CEACAM4: variants seen among roughly 807,000 people sequenced by gnomAD.
The protein encoded by CEACAM4 is CEA cell adhesion molecule 4.
CEACAM4 carries 30 observed loss-of-function variants against 28.7 expected under a neutral mutation model. The ratio of observed to expected loss-of-function variants is 1.05; its 90% confidence interval spans 0.78 to 1.42. The LOEUF (loss-of-function observed/expected upper bound fraction) is 1.42, where lower values mean the gene tolerates loss of function less well. Among genes scored for constraint, CEACAM4 ranks in the 40% most tolerant of loss-of-function variants. The pLI is 0.00. For synonymous variants in CEACAM4, 143 were observed against 126.5 expected (o/e 1.13, Z -0.87); for missense variants, 330 against 308.2 (o/e 1.07, Z -0.53).
Position 41,625,809 on chromosome 19 carries a change from C to T in CEACAM4, c.216G>A (p.Thr72=), listed in dbSNP as rs201574854. Residue 72 remains threonine (T), a synonymous_variant, in exon 2 of 7, where the codon ACG becomes ACA. Coordinates refer to ENST00000221954, the MANE Select transcript of CEACAM4 (RefSeq NM_001817.4). The part of the protein sequence containing the change: ...IQAYYWHKGK[T]AEGSPLIAGY... ...CAGCAATGAGAGGGCTCCCTTCTGCCGTTTTCCCCTTGTGCCAATAATAGG... is the reference window on the plus strand; with the variant it reads ...CAGCAATGAGAGGGCTCCCTTCTGCTGTTTTCCCCTTGTGCCAATAATAGG... The T allele has an allele frequency of 8.4e-4, 1,353 of 1,613,946 alleles. 26 individuals are homozygous for T. The South Asian group carries it at 0.014, about 17-fold the overall frequency.
Position 41,625,684 on chromosome 19 carries a change from A to C in CEACAM4, c.341T>G (p.Leu114Arg). Residue 114 changes from leucine (L) to arginine (R), a missense_variant, in exon 2 of 7, where the codon CTG becomes CGG. Leu to Arg is a moderately radical substitution (Grantham distance 102, BLOSUM62 -2). Transcript: ENST00000221954. ...TAGGGTGTAGGATCCTGCGTCCTCC[A>C]GGGTGATGTTTTGGAACAGCAGGGA... ...NGSLLFQNIT[L>R]EDAGSYTLRT... The C allele has an allele frequency of 6.2e-7, 1 of 1,613,768 alleles. No homozygotes were observed. Among genetic ancestry groups the C allele is most frequent in the Non-Finnish European group, 8.5e-7 (1 of 1,179,800 alleles).
At chr19:41,619,452 C>T (rs2071116429) in intron 6 of CEACAM4, 57 bp from the exon 7 acceptor site, 20 of 1,601,716 alleles carry the variant, frequency 1.2e-5, no homozygotes, top group Non-Finnish European at 1.6e-5. Flanking sequence ...CAGTGTCTGG[C>T]ATCTCCCAGG....
intron 4 of CEACAM4, 69 bp downstream of exon 4, chr19:41,620,506 T>G (rs1223427651): frequency 2.2e-6 from 3 of 1,352,768 alleles, no homozygotes; most frequent in Non-Finnish European, 3.1e-6. Context: ...CCCCAGGGGG[T>G]GACTGGCAGG....
At chr19:41,626,090 GTGTGTGTGTGT>G in intron 1 of CEACAM4, 130 bp from the exon 2 acceptor site, 5 of 556,372 alleles carry the variant, frequency 9.0e-6, no homozygotes, top group African/African-American at 7.7e-5. Flanking sequence ...GTGTGTGTGT[GTGTGTGTGTGT>G]GTGTGTGTGT....
rs782265679 is a variant in CEACAM4 at position 41,620,008 on chromosome 19, G to T, written c.627+203C>A. On this transcript the variant is annotated intron_variant, in intron 5 of 6. Coordinates refer to ENST00000221954, the MANE Select transcript of CEACAM4 (RefSeq NM_001817.4). ...TCCAGGGTTCTCCTCAGGTGTAGAGGGTCCCGGGGAGGGGTCAGCACATGG... is the reference window on the plus strand; with the variant it reads ...TCCAGGGTTCTCCTCAGGTGTAGAGTGTCCCGGGGAGGGGTCAGCACATGG... Among the ~76,000 whole-genome samples the T allele has an allele frequency of 2.6e-5, 4 of 152,090 alleles. 1 individual carries two copies. Among genetic ancestry groups the T allele is most frequent in the African/African-American group, 9.7e-5 (4 of 41,388 alleles).
In CEACAM4 at chr19:41,620,255, A is replaced by T; in HGVS notation, c.596-13T>A. 6 of 1,472,308 alleles carry T rather than the reference A, an allele frequency of 4.1e-6. No individual in the cohort carries two copies. Among genetic ancestry groups the T allele is most frequent in the Non-Finnish European group, 5.4e-6 (6 of 1,115,742 alleles). 91.2% of individuals were successfully genotyped at this position (1,472,308 alleles called of 1,614,324 possible). Reference sequence around the variant, plus strand: ...GAGGGACCATGGCCTGGGGACAGAGACAGGAGTGAGCAGCAGGGTGGGAGG... The same window carrying T: ...GAGGGACCATGGCCTGGGGACAGAGTCAGGAGTGAGCAGCAGGGTGGGAGG... On this transcript the variant is annotated splice_polypyrimidine_tract_variant and intron_variant, in intron 4 of 6. Transcript: ENST00000221954.
At chr19:41,626,087 TGTGTGTGTGTG>T in intron 1 of CEACAM4, 127 bp from the exon 2 acceptor site, 1 of 368,180 alleles carries the variant, frequency 2.7e-6, no homozygotes, top group Non-Finnish European at 4.6e-6. Flanking sequence ...TGTGTGTGTG[TGTGTGTGTGTG>T]TGTGTGTGTG....
downstream of CEACAM4, among the ~76,000 whole-genome samples, chr19:41,618,503 G>A (rs1194834199): frequency 6.6e-6 from 1 of 152,188 alleles, no homozygotes; most frequent in Non-Finnish European, 1.5e-5. Context: ...CTAGTGGCCA[G>A]GTATAAGCAC....
At chr19:41,621,600 T>G (rs2019254) in intron 3 of CEACAM4, 51 bp downstream of exon 3, 102,638 of 1,025,294 alleles carry the variant, frequency 0.1, 8,030 homozygotes, top group East Asian at 0.38. Flanking sequence ...CCCTCCTCCC[T>G]GACTGGGGTC....
Position 41,620,565 on chromosome 19 carries a change from G to T in CEACAM4, c.595+10C>A, listed in dbSNP as rs782595336. On this transcript the variant is annotated intron_variant, in intron 4 of 6. Transcript: ENST00000221954. ...AGGGGCTCCCACACCTGGGCTGAAG[G>T]GACACTCACCAGGGGTGGAGGCTGG... The T allele has an allele frequency of 1.2e-6, 2 of 1,611,152 alleles. No homozygotes were observed. The highest frequency in any genetic ancestry group is 8.5e-7 in the Non-Finnish European group (1 of 1,178,280).
At position 41,626,894 on chromosome 19, in the gene CEACAM4, C is replaced by G. The variant is rs2071699963; in HGVS notation, c.64+6G>C. The G allele has an allele frequency of 1.9e-6, 3 of 1,611,442 alleles. No individual in the cohort carries two copies. Among genetic ancestry groups the G allele is most frequent in the Non-Finnish European group, 1.7e-6 (2 of 1,178,358 alleles). On this transcript the variant is annotated splice_donor_region_variant and intron_variant, in intron 1 of 6. Coordinates refer to ENST00000221954, the MANE Select transcript of CEACAM4 (RefSeq NM_001817.4). Reference sequence around the variant, plus strand: ...TCCCACCACTCCCAGAGAGTCCTCCCCTCACCTGTGATCAGGAGCCCCTGC... The same window carrying G: ...TCCCACCACTCCCAGAGAGTCCTCCGCTCACCTGTGATCAGGAGCCCCTGC...
intron 2 of CEACAM4, among the ~76,000 whole-genome samples, chr19:41,622,058 C>T (rs1393912571): frequency 6.6e-6 from 1 of 151,728 alleles, no homozygotes; most frequent in East Asian, 1.9e-4. Flanking sequence ...CATGTCACAC[C>T]TCTTCCCTCT....
intron 3 of CEACAM4, 148 bp from the exon 4 acceptor site, chr19:41,620,775 C>T (rs1410513184): frequency 1.4e-5 from 10 of 715,686 alleles, no homozygotes; most frequent in African/African-American, 1.1e-4. Context: ...CGGCCGAGGA[C>T]GGGGAGCTGA....
At position 41,619,843 on chromosome 19, in the gene CEACAM4, T is replaced by C. The variant is rs138779806; in HGVS notation, c.628-132A>G. 1,461 of 793,694 alleles carry C rather than the reference T, an allele frequency of 1.8e-3. 21 individuals are homozygous for C. In the African/African-American group the frequency reaches 0.023, roughly 13 times the overall value. 49.2% of individuals were successfully genotyped at this position (793,694 alleles called of 1,614,324 possible). On this transcript the variant is annotated intron_variant, in intron 5 of 6. Transcript: ENST00000221954. ...CACTTCCACTCATTTCCCCTCAGGA[T>C]TGACCAGCTCTGCCCCTGAGCTCAG...
downstream of CEACAM4, among the ~76,000 whole-genome samples, chr19:41,617,338 C>T (rs2071000471): frequency 6.6e-6 from 1 of 152,178 alleles, no homozygotes; most frequent in African/African-American, 2.4e-5. Context: ...GATGTTAATG[C>T]AGGAACTGAC....
Position 41,620,603 on chromosome 19 carries a change from C to T in CEACAM4, c.567G>A (p.Arg189=), listed in dbSNP as rs567953587. The change falls in exon 4 of 7, where the codon AGG becomes AGA. Residue 189 remains arginine, a synonymous_variant. Transcript: ENST00000221954. ...TGRASIQRDL[R]EQPPPASTPG... ...GGGTGGAGGCTGGGGGCGGCTGCTC[C>T]CTGAGGTCACGCTGGATGCTGGCCC... The T allele has an allele frequency of 7.4e-6, 12 of 1,612,154 alleles. No individual in the cohort carries two copies. Among genetic ancestry groups the T allele is most frequent in the Admixed American group, 6.7e-5 (4 of 59,808 alleles).
downstream of CEACAM4, chr19:41,618,838 C>T (rs554406455): frequency 6.4e-6 from 1 of 156,512 alleles, no homozygotes; most frequent in South Asian, 1.9e-4. Context: ...TGAATCTTGC[C>T]CTTTCCTGTG....
chr19:41,615,812 C>T (rs1333658372), downstream of CEACAM4, among the ~76,000 whole-genome samples: 2 of 152,140 alleles, frequency 1.3e-5, no homozygotes, highest in African/African-American at 2.4e-5. Context: ...CTGTGTGTGA[C>T]TAGCAGGGAC....
intron 2 of CEACAM4, among the ~76,000 whole-genome samples, chr19:41,624,210 T>G (rs1292617508): frequency 1.3e-5 from 2 of 152,162 alleles, no homozygotes; most frequent in Non-Finnish European, 2.9e-5. Flanking sequence ...GGATCTTGTA[T>G]CCAGGTCTCT....
Sources: allele counts gnomAD v4.1 joint callset (sites outside exome capture counted in the v4.1 genomes callset), GRCh38; gene constraint gnomAD v4.1.1; transcripts MANE v1.5; gene names NCBI Gene and HGNC (gene_info 2026-07-23, HGNC 2026-07-21).